The following GNAI1 variants were observed in gnomAD, a reference collection of about 807,000 sequenced individuals.
GNAI1 encodes the protein guanine nucleotide-binding protein G(i) subunit alpha-1.
In GNAI1, 11 loss-of-function variants were observed where a neutral mutation model predicts 38.9. The ratio of observed to expected loss-of-function variants is 0.28; its 90% CI spans 0.18 to 0.47. The LOEUF (loss-of-function observed/expected upper bound fraction) is 0.47, where lower values mean the gene tolerates loss of function less well. Ranked by LOEUF, GNAI1 falls within the 20% of genes least tolerant of loss-of-function variation. The pLI, the probability that GNAI1 is intolerant of heterozygous loss-of-function variation, is 0.99. For synonymous variants in GNAI1, 166 were observed against 145.1 expected, an observed-to-expected ratio of 1.14 and a Z score of -1.04; for missense variants, 317 against 436.9, an observed-to-expected ratio of 0.73 and a Z score of 2.45.
At chr7:80,193,416 G>A (rs909316919) in intron 3 of GNAI1, among the ~76,000 whole-genome samples, 2 of 152,156 alleles carry the variant, frequency 1.3e-5, no homozygotes. Context: ...TATTTAAAAT[G>A]AGAAGAAATA....
At chr7:80,208,055 ATATGG>A (rs1386468133) in intron 5 of GNAI1, among the ~76,000 whole-genome samples, 2 of 152,124 alleles carry the variant, frequency 1.3e-5, no homozygotes. Flanking sequence ...TGATATCCAT[ATATGG>A]TTAGCTAGCT....
Position 80,199,293 on chromosome 7 carries a change from T to C in GNAI1, c.372T>C (p.Ala124=). ...AAGGCTTTATGACTGCAGAACTTGCTGGAGTTATAAAGAGATTGTGGAAAG... is the reference window on the plus strand; with the variant it reads ...AAGGCTTTATGACTGCAGAACTTGCCGGAGTTATAAAGAGATTGTGGAAAG... The part of the protein sequence containing the change: ...AEEGFMTAEL[A]GVIKRLWKDS... Residue 124 remains alanine (A), a synonymous_variant, in exon 4 of 8, where the codon GCT becomes GCC. Coordinates refer to ENST00000649796, the MANE Select transcript of GNAI1 (RefSeq NM_002069.6). 1 of 1,613,570 alleles carries C rather than the reference T, an allele frequency of 6.2e-7. No individual in the cohort carries two copies. The highest frequency in any genetic ancestry group is 8.5e-7 in the Non-Finnish European group (1 of 1,179,586).
rs1789122650 is a variant in GNAI1 at position 80,224,150 on chromosome 7, A to G, written c.*6657A>G. On this transcript the variant is annotated 3_prime_UTR_variant, in exon 8 of 8. Transcript: ENST00000649796. ...ACTCCTCCATTATTTAAAATATGTT[A>G]GAGATACATAAATATATAGAGAAAA... Among the ~76,000 whole-genome samples, 1 of 152,218 alleles carries G rather than the reference A, an allele frequency of 6.6e-6. No individual in the cohort carries two copies. The highest frequency in any genetic ancestry group is 6.5e-5 in the Admixed American group (1 of 15,274).
intron 1 of GNAI1, among the ~76,000 whole-genome samples, chr7:80,180,968 G>A (rs1393985593): frequency 6.6e-6 from 1 of 151,888 alleles, no homozygotes; most frequent in African/African-American, 2.4e-5. Context: ...GGCTTTTGTG[G>A]GCCAGATTTC....
At chr7:80,215,763 A>AGATT (rs1554353585) in intron 7 of GNAI1, among the ~76,000 whole-genome samples, 1 of 151,808 alleles carries the variant, frequency 6.6e-6, no homozygotes, top group African/African-American at 2.4e-5. Flanking sequence ...AGGAGGAAAA[A>AGATT]GTTTTTAAGT....
intron 1 of GNAI1, among the ~76,000 whole-genome samples, chr7:80,153,139 A>G (rs1024987461): frequency 5.3e-5 from 8 of 152,212 alleles, no homozygotes; most frequent in Admixed American, 1.3e-4. Flanking sequence ...AAATATTCCT[A>G]TCATTGACAG....
At position 80,155,286 on chromosome 7, in the gene GNAI1, A is replaced by G. The variant is rs189638903; in HGVS notation, c.118+20008A>G. Among the ~76,000 whole-genome samples, 237 of 152,302 alleles carry G rather than the reference A, an allele frequency of 1.6e-3. 1 individual carries two copies. The highest frequency in any genetic ancestry group is 5.2e-3 in the African/African-American group (218 of 41,570). On this transcript the variant is annotated intron_variant, in intron 1 of 7. Coordinates refer to ENST00000649796, the MANE Select transcript of GNAI1 (RefSeq NM_002069.6). ...ATTATTTTGGTTTTTGGATATTTTA[A>G]TCAACATTGAATTGTTTTTTTCTTA...
chr7:80,221,305 G>T lies in GNAI1; in HGVS notation c.*3812G>T, dbSNP rs1038536151. On this transcript the variant is annotated 3_prime_UTR_variant, in exon 8 of 8. Transcript: ENST00000649796. ...AATGGTTGTTGTCAGCATTAAATAA[G>T]TTCACAGTACATGTTAAGTACCTAG... Among the ~76,000 whole-genome samples, 5 of 152,100 alleles carry T rather than the reference G, an allele frequency of 3.3e-5. No individual in the cohort carries two copies. Among genetic ancestry groups the T allele is most frequent in the Non-Finnish European group, 7.4e-5 (5 of 68,020 alleles).
Position 80,221,827 on chromosome 7 carries a change from A to G in GNAI1, c.*4334A>G, listed in dbSNP as rs1789083072. On this transcript the variant is annotated 3_prime_UTR_variant, in exon 8 of 8. Transcript: ENST00000649796. The stretch of plus-strand genomic sequence containing the variant: ...CCAGCTAATTTTTGTATTTTTAGTA[A>G]AGGGGGGTTTCACCATGTTGGCCAG... Among the ~76,000 whole-genome samples the G allele has an allele frequency of 2.6e-5, 4 of 151,234 alleles. No individual in the cohort carries two copies. Among genetic ancestry groups the G allele is most frequent in the Admixed American group, 2.6e-4 (4 of 15,176 alleles).
chr7:80,145,930 G>C (rs542797965), intron 1 of GNAI1, among the ~76,000 whole-genome samples: 2 of 152,188 alleles, frequency 1.3e-5, no homozygotes, highest in Non-Finnish European at 2.9e-5. Flanking sequence ...GAGGTAGCCA[G>C]GTTCTCAGCT....
intron 1 of GNAI1, among the ~76,000 whole-genome samples, chr7:80,143,969 T>C (rs1358905485): frequency 1.3e-5 from 2 of 151,816 alleles, no homozygotes; most frequent in Non-Finnish European, 2.9e-5. Context: ...TGTGTGTGTA[T>C]ATATATAGTG....
intron 7 of GNAI1, among the ~76,000 whole-genome samples, chr7:80,214,793 T>C (rs972290652): frequency 6.6e-6 from 1 of 152,164 alleles, no homozygotes; most frequent in African/African-American, 2.4e-5. Context: ...CTCTTCTTTT[T>C]CCTGTATGTT....
At position 80,189,084 on chromosome 7, in the gene GNAI1, CATT is replaced by C; in HGVS notation, c.162-4_162-2del. Reference sequence around the variant, plus strand: ...TAATTCTTTTTTTTCCCTTTTGTCTCATTAGAATTATCCATGAAGCTGGTTATT... The same window carrying C: ...TAATTCTTTTTTTTCCCTTTTGTCTCAGAATTATCCATGAAGCTGGTTATT... On this transcript the variant is annotated splice_region_variant and splice_polypyrimidine_tract_variant and intron_variant, in intron 2 of 7. Coordinates refer to ENST00000649796, the MANE Select transcript of GNAI1 (RefSeq NM_002069.6). 6.2e-7 allele frequency: 1 copy of C among 1,605,318 alleles called. No homozygotes were observed.
At chr7:80,159,591 G>A (rs763398737) in intron 1 of GNAI1, among the ~76,000 whole-genome samples, 2 of 152,156 alleles carry the variant, frequency 1.3e-5, no homozygotes, top group Non-Finnish European at 2.9e-5. Context: ...GCATATCCAT[G>A]ACTTTAAACA....
chr7:80,179,748 G>A (rs1255357978), intron 1 of GNAI1, among the ~76,000 whole-genome samples: 1 of 152,144 alleles, frequency 6.6e-6, no homozygotes, highest in Non-Finnish European at 1.5e-5. Flanking sequence ...CAGAGAATCA[G>A]CACTGGTGGT....
chr7:80,137,537 C>A (rs946547325), intron 1 of GNAI1, among the ~76,000 whole-genome samples: 1 of 151,974 alleles, frequency 6.6e-6, no homozygotes, highest in Non-Finnish European at 1.5e-5. Context: ...CCACGCTGGT[C>A]TCCAATTCCT....
At chr7:80,206,042 C>T (rs572628402) in intron 5 of GNAI1, among the ~76,000 whole-genome samples, 22 of 152,140 alleles carry the variant, frequency 1.4e-4, no homozygotes, top group Non-Finnish European at 2.2e-4. Context: ...ATAAAGAAGT[C>T]TCACTGTTAG....
intron 4 of GNAI1, among the ~76,000 whole-genome samples, chr7:80,202,942 C>T (rs1158623730): frequency 6.6e-6 from 1 of 152,166 alleles, no homozygotes; most frequent in Non-Finnish European, 1.5e-5. Context: ...TCTGTTTAGA[C>T]CCCTCGCTAT....
intron 1 of GNAI1, among the ~76,000 whole-genome samples, chr7:80,150,664 G>C (rs1787707577): frequency 6.6e-6 from 1 of 152,156 alleles, no homozygotes; most frequent in South Asian, 2.1e-4. Flanking sequence ...CTGGATGCTG[G>C]ACACACAGAT....
Sources: allele counts gnomAD v4.1 joint callset (sites outside exome capture counted in the v4.1 genomes callset), GRCh38; gene constraint gnomAD v4.1.1; transcripts MANE v1.5; gene names NCBI Gene and HGNC (gene_info 2026-07-23, HGNC 2026-07-21).